Variants in MGAM observed in about 807,000 individuals in gnomAD.
MGAM encodes the protein maltase-glucoamylase, also known as alpha-1,4-glucosidase.
MGAM carries 253 observed loss-of-function variants against 358.8 expected under a neutral mutation model. The observed-to-expected ratio is 0.71, with a 90% CI of 0.64 to 0.78. The LOEUF is 0.78. MGAM is among the 30% of genes least tolerant of loss of function. MGAM has a pLI of 0.00. For synonymous variants in MGAM, 1,105 were observed against 1,227.1 expected, an observed-to-expected ratio of 0.90 and a Z score of 2.08; for missense variants, 3,080 against 3,432.6, an observed-to-expected ratio of 0.90 and a Z score of 2.57.
At chr7:141,997,819 C>G (rs1804383800) in intron 1 of MGAM, among the ~76,000 whole-genome samples, 1 of 152,182 alleles carries the variant, frequency 6.6e-6, no homozygotes, top group African/African-American at 2.4e-5. Flanking sequence ...TATCCCTTCC[C>G]ATTCACCAAG....
intron 2 of MGAM, among the ~76,000 whole-genome samples, chr7:142,006,128 C>T (rs1413442020): frequency 1.3e-5 from 2 of 151,964 alleles, no homozygotes; most frequent in Non-Finnish European, 2.9e-5. Flanking sequence ...CCATTTAGTC[C>T]ATCCATAAGA....
intron 23 of MGAM, 150 bp from the exon 24 acceptor site, chr7:142,050,547 T>A (rs1345154537): frequency 1.1e-6 from 1 of 943,258 alleles, no homozygotes; most frequent in Non-Finnish European, 1.6e-6. Context: ...CCAAATAATG[T>A]TGTACTTCTT....
At chr7:142,048,497 A>G (rs1290640436) in intron 22 of MGAM, among the ~76,000 whole-genome samples, 36 of 52,748 alleles carry the variant, frequency 6.8e-4, no homozygotes, top group Admixed American at 2.1e-3. Context: ...GATGGTTTCA[A>G]GACTGTTCCC....
At position 142,022,317 on chromosome 7, in the gene MGAM, C is replaced by T; in HGVS notation, c.760C>T (p.Leu254Phe). The change falls in exon 7 of 71, where the codon CTC (leucine) becomes TTC (phenylalanine). Residue 254 changes from leucine (L) to phenylalanine (F), a missense_variant. Transcript: ENST00000475668. ...ACTGTTTGCTGACCAGTTCTTGCAG[C>T]TCTCCACTCGACTGCCTAGCACTAA... ...PLLFADQFLQLSTRLPSTNVY... is the reference protein window; with the variant it reads ...PLLFADQFLQFSTRLPSTNVY... The T allele has an allele frequency of 6.2e-7, 1 of 1,613,046 alleles. No homozygotes were observed. The highest frequency in any genetic ancestry group is 8.5e-7 in the Non-Finnish European group (1 of 1,179,316).
At chr7:141,996,618 A>G (rs534644199) in intron 1 of MGAM, among the ~76,000 whole-genome samples, 5 of 152,326 alleles carry the variant, frequency 3.3e-5, no homozygotes, top group South Asian at 4.1e-4. Context: ...TGGGAGTGAG[A>G]TTAGAGCATT....
chr7:142,089,308 A>C lies in MGAM; in HGVS notation c.6810+2591A>C, dbSNP rs373101279. The stretch of plus-strand genomic sequence containing the variant: ...GGGACACCAGAGGCATTCAGTGGGC[A>C]GTGGGCAGGGATGCCCATAGCTCTG... On this transcript the variant is annotated intron_variant, in intron 57 of 70. Transcript: ENST00000475668. Among the ~76,000 whole-genome samples the C allele has an allele frequency of 4.0e-4, 59 of 146,778 alleles. 5 individuals carry two copies. The South Asian group carries it at 0.013, about 31-fold the overall frequency.
Position 142,099,613 on chromosome 7 carries a change from G to T in MGAM, c.7750G>T (p.Gly2584Cys), listed in dbSNP as rs373813573. The change falls in exon 67 of 71, where the codon GGT (glycine) becomes TGT (cysteine). Residue 2584 changes from glycine (G) to cysteine (C), a missense_variant and splice_region_variant. This residue lies in a region of MGAM where 932 missense variants were observed against 1,198.2 expected (regional missense o/e 0.78). Coordinates refer to ENST00000475668, the MANE Select transcript of MGAM (RefSeq NM_001365693.1). Reference sequence around the variant, plus strand: ...ATCTCTTACCTTCTTCTGCCTCCAGGGTGTGGATATTAATGCAAGAGGAGA... The same window carrying T: ...ATCTCTTACCTTCTTCTGCCTCCAGTGTGTGGATATTAATGCAAGAGGAGA... ...PRARWYDYYT[G>C]VDINARGEWK... 2.5e-5 allele frequency: 40 copies of T among 1,613,708 alleles called. No individual in the cohort carries two copies. The highest frequency in any genetic ancestry group is 3.2e-5 in the Non-Finnish European group (38 of 1,179,802).
chr7:142,065,547 C>A, intron 38 of MGAM, 41 bp from the exon 39 acceptor site: 1 of 1,613,974 alleles, frequency 6.2e-7, no homozygotes, highest in Non-Finnish European at 8.5e-7. Context: ...GGAGGCAGAT[C>A]ATGAGAGCCT....
At chr7:142,017,141 T>C (rs1426041945) in intron 3 of MGAM, among the ~76,000 whole-genome samples, 1 of 152,186 alleles carries the variant, frequency 6.6e-6, no homozygotes, top group Non-Finnish European at 1.5e-5. Flanking sequence ...ACATGTCTTT[T>C]TTCTTAATTT....
rs1214162860 is a variant in MGAM, at chr7:142,060,380, G to C, written c.4122+7G>C. On this transcript the variant is annotated splice_region_variant and intron_variant, in intron 34 of 70. Transcript: ENST00000475668. The stretch of plus-strand genomic sequence containing the variant: ...CTGGGACAGCCAAGTGGAGGTAAAA[G>C]GGTGTTTGTAAATTTGGGTGGAGTC... 1 of 1,613,978 alleles carries C rather than the reference G, an allele frequency of 6.2e-7. No homozygotes were observed. Among genetic ancestry groups the C allele is most frequent in the Non-Finnish European group, 8.5e-7 (1 of 1,179,816 alleles).
rs1269844155 is a variant in MGAM at position 142,044,326 on chromosome 7, ATAAT to A, written c.2499-3458_2499-3455del. Reference sequence around the variant, plus strand: ...TATATATAATATACACATACGATATATAATATATAATATATATATAATATACACA... The same window carrying A: ...TATATATAATATACACATACGATATAATATAATATATATATAATATACACA... On this transcript the variant is annotated intron_variant, in intron 21 of 70. Coordinates refer to ENST00000475668, the MANE Select transcript of MGAM (RefSeq NM_001365693.1). Among the ~76,000 whole-genome samples, 2 of 140,820 alleles carry A rather than the reference ATAAT, an allele frequency of 1.4e-5. 1 individual carries two copies. The highest frequency in any genetic ancestry group is 5.1e-5 in the African/African-American group (2 of 39,408). The allele number at this position is 140,820 out of a possible 152,430, so 92.4% of individuals were successfully genotyped here.
chr7:142,088,822 C>CATCT (rs71166559), intron 57 of MGAM, among the ~76,000 whole-genome samples: 25,714 of 124,452 alleles, frequency 0.21, 4,193 homozygotes, highest in Admixed American at 0.26. Flanking sequence ...ATCTATGTAC[C>CATCT]ATCTATCTAT....
chr7:142,056,841 C>T lies in MGAM; in HGVS notation c.3592C>T (p.Gln1198Ter). 2 of 1,613,744 alleles carry T rather than the reference C, an allele frequency of 1.2e-6. No homozygotes were observed. The highest frequency in any genetic ancestry group is 1.7e-4 in the Middle Eastern group (1 of 6,054). Residue 1198 changes from glutamine to a stop codon, truncating the protein, a stop_gained, in exon 30 of 71, where the codon CAG becomes TAG. Transcript: ENST00000475668. LOFTEE classifies it high-confidence loss of function. ...TTCTTTATTTTCAGATGTGACGTTC[C>T]AGCCCCTGCCTGCCTTGACATACCG... ...LNSNAMDVTF[Q>*]PLPALTYRTT...
At chr7:142,076,582 T>C (rs1028530166) in intron 46 of MGAM, 77 bp from the exon 47 acceptor site, 4 of 1,269,034 alleles carry the variant, frequency 3.2e-6, no homozygotes, top group Middle Eastern at 1.9e-4. Flanking sequence ...CAGTCTGGAA[T>C]AGAATATATG....
intron 15 of MGAM, 145 bp downstream of exon 15, chr7:142,034,524 T>A: frequency 4.1e-6 from 4 of 975,250 alleles, no homozygotes; most frequent in East Asian, 5.2e-5. Context: ...TACAGAATGC[T>A]CCCAACAGGG....
At chr7:142,053,194 T>C (rs1422588033) in intron 26 of MGAM, among the ~76,000 whole-genome samples, 5 of 151,920 alleles carry the variant, frequency 3.3e-5, no homozygotes, top group Non-Finnish European at 2.9e-5. Flanking sequence ...GTTAGGAAAA[T>C]GGTTGGGAGA....
intron 66 of MGAM, among the ~76,000 whole-genome samples, chr7:142,098,942 C>T (rs189663439): frequency 1.0e-3 from 152 of 152,342 alleles, no homozygotes; most frequent in African/African-American, 3.6e-3. Flanking sequence ...ATTACTCATT[C>T]TAGAGCACAA....
intron 30 of MGAM, among the ~76,000 whole-genome samples, chr7:142,057,345 T>C: frequency 6.6e-6 from 1 of 150,774 alleles, no homozygotes; most frequent in Middle Eastern, 3.2e-3. Context: ...TTGGTGATGA[T>C]GACGGTGATA....
At position 142,027,740 on chromosome 7, in the gene MGAM, G is replaced by A; in HGVS notation, c.1221+5G>A. ...CGCGCAGCACAGCTCCCTTATGTAA[G>A]CAAGGTTTTCAACAGTTCTCCAAAA... On this transcript the variant is annotated splice_donor_5th_base_variant and intron_variant, in intron 10 of 70. Transcript: ENST00000475668. The A allele has an allele frequency of 1.9e-6, 3 of 1,591,902 alleles. No individual in the cohort carries two copies. Among genetic ancestry groups the A allele is most frequent in the Non-Finnish European group, 2.6e-6 (3 of 1,169,024 alleles).
Sources: allele counts gnomAD v4.1 joint callset (sites outside exome capture counted in the v4.1 genomes callset), GRCh38; gene constraint gnomAD v4.1.1; regional missense constraint gnomAD v4.1.1; transcripts MANE v1.5; gene names NCBI Gene and HGNC (gene_info 2026-07-23, HGNC 2026-07-21).